The following FCRL2 variants were observed in gnomAD, a reference collection of about 807,000 sequenced individuals.
The protein encoded by FCRL2 is Fc receptor-like protein 2.
A neutral mutation model predicts 59.8 loss-of-function variants in FCRL2; 48 were observed. The ratio of observed to expected loss-of-function variants is 0.80; its 90% CI spans 0.64 to 1.02. FCRL2 has a LOEUF of 1.02. Among genes scored for constraint, FCRL2 ranks in the 50% least tolerant of loss-of-function variants. The pLI is 0.00. For synonymous variants in FCRL2, 251 were observed against 229.5 expected, an observed-to-expected ratio of 1.09 and a Z score of -0.85; for missense variants, 658 against 597.3, an observed-to-expected ratio of 1.10 and a Z score of -1.06.
intron 2 of FCRL2, among the ~76,000 whole-genome samples, chr1:157,773,181 T>G (rs1442346355): frequency 6.6e-6 from 1 of 152,208 alleles, no homozygotes; most frequent in South Asian, 2.1e-4. Flanking sequence ...AATTGGACTT[T>G]GCAAGCAGTG....
chr1:157,760,077 T>C (rs1243227648), intron 7 of FCRL2, among the ~76,000 whole-genome samples: 1 of 152,020 alleles, frequency 6.6e-6, no homozygotes, highest in Non-Finnish European at 1.5e-5. Flanking sequence ...ATAAAGAAAA[T>C]GTGTTACATA....
At position 157,775,813 on chromosome 1, in the gene FCRL2, G is replaced by C; in HGVS notation, c.32-18C>G. The C allele has an allele frequency of 6.2e-7, 1 of 1,613,716 alleles. No individual in the cohort carries two copies. The highest frequency in any genetic ancestry group is 8.5e-7 in the Non-Finnish European group (1 of 1,179,848). On this transcript the variant is annotated intron_variant, in intron 1 of 11. Transcript: ENST00000361516. Reference sequence around the variant, plus strand: ...GACTGCATCTGTGAGGAGATCAAAAGCCAGAGATTAGCACACAGCATTTGC... The same window carrying C: ...GACTGCATCTGTGAGGAGATCAAAACCCAGAGATTAGCACACAGCATTTGC...
At position 157,752,318 on chromosome 1, in the gene FCRL2, A is replaced by G. The variant is rs142659460; in HGVS notation, c.1280-2641T>C. ...CTCACAAGATCTGATGGTTTTAAAA[A>G]GAGGAGTTTCCCTGCACAAGCTTAT... On this transcript the variant is annotated intron_variant, in intron 7 of 11. Coordinates refer to ENST00000361516, the MANE Select transcript of FCRL2 (RefSeq NM_030764.4). Among the ~76,000 whole-genome samples the G allele has an allele frequency of 7.2e-3, 1,094 of 152,334 alleles. 18 individuals are homozygous for G. Among genetic ancestry groups the G allele is most frequent in the African/African-American group, 0.025 (1,046 of 41,580 alleles).
intron 7 of FCRL2, among the ~76,000 whole-genome samples, chr1:157,760,733 A>AAGAAAG (rs1649008134): frequency 6.7e-6 from 1 of 149,634 alleles, no homozygotes; most frequent in Non-Finnish European, 1.5e-5. Flanking sequence ...GAAAGAAAGA[A>AAGAAAG]AGAAAGAAAG....
rs1649861612 is a variant in FCRL2 at position 157,769,948 on chromosome 1, G to A, written c.513C>T (p.Asp171=). 1 of 1,614,184 alleles carries A rather than the reference G, an allele frequency of 6.2e-7. No homozygotes were observed. ...CTGCCTTGCACCAGTAAGACCCTGT[G>A]TCTTCACTCCACACGGCAGAAATCT... ...ELQISAVWSE[D]TGSYWCKAET... The change falls in exon 4 of 12, where the codon GAC becomes GAT. Residue 171 remains aspartate (D), a synonymous_variant. Transcript: ENST00000361516.
At chr1:157,759,565 C>G (rs576212161) in intron 7 of FCRL2, among the ~76,000 whole-genome samples, 47 of 152,186 alleles carry the variant, frequency 3.1e-4, no homozygotes, top group African/African-American at 1.1e-3. Context: ...GCTTTAATAC[C>G]TAGAATCTAC....
At chr1:157,757,141 CT>C (rs1648650244) in intron 7 of FCRL2, among the ~76,000 whole-genome samples, 1 of 152,162 alleles carries the variant, frequency 6.6e-6, no homozygotes, top group East Asian at 1.9e-4. Flanking sequence ...ATATGACTTA[CT>C]TTTTGATCAA....
At chr1:157,769,745 C>A in intron 4 of FCRL2, 121 bp downstream of exon 4, 1 of 1,310,298 alleles carries the variant, frequency 7.6e-7, no homozygotes, top group Non-Finnish European at 1.0e-6. Context: ...GAGGGTTTTT[C>A]TAGCTTAATT....
chr1:157,755,836 T>C (rs1347998116), intron 7 of FCRL2, among the ~76,000 whole-genome samples: 2 of 152,168 alleles, frequency 1.3e-5, no homozygotes, highest in Non-Finnish European at 2.9e-5. Context: ...GTCTAAAATA[T>C]CTCTGGAAAA....
rs746908411 is a variant in FCRL2, at chr1:157,748,900, C to T, written c.1368G>A (p.Glu456=). ...CATTGACATACACTGGCTGCAGCTCCTCCATGTCTGGGGTTGGGCTTGAAT... is the reference window on the plus strand; with the variant it reads ...CATTGACATACACTGGCTGCAGCTCTTCCATGTCTGGGGTTGGGCTTGAAT... ...FTYSSPTPDM[E]ELQPVYVNVG... is the part of the protein sequence containing the mutation. Residue 456 remains glutamate (E), a synonymous_variant, in exon 9 of 12, where the codon GAG becomes GAA. Coordinates refer to ENST00000361516, the MANE Select transcript of FCRL2 (RefSeq NM_030764.4). 1.2e-6 allele frequency: 2 copies of T among 1,613,936 alleles called. No individual in the cohort carries two copies. The highest frequency in any genetic ancestry group is 2.2e-5 in the South Asian group (2 of 91,066).
intron 7 of FCRL2, among the ~76,000 whole-genome samples, chr1:157,760,674 GGAAGGAAAGAAAGAAAGAAA>G (rs1557860241): frequency 1.2e-5 from 1 of 86,562 alleles, no homozygotes; most frequent in East Asian, 2.9e-4. Context: ...AAGGAAGGAA[GGAAGGAAAGAAAGAAAGAAA>G]GAAGGAAAGA....
At chr1:157,754,943 G>A (rs1284847518) in intron 7 of FCRL2, among the ~76,000 whole-genome samples, 2 of 151,532 alleles carry the variant, frequency 1.3e-5, no homozygotes, top group African/African-American at 4.9e-5. Flanking sequence ...TCCAGCCTAG[G>A]TGACAGAGAG....
chr1:157,770,558 T>A lies in FCRL2; in HGVS notation c.161A>T (p.Asp54Val). ...WKIQKMAYHK[D>V]NKELSVFKKF... is the part of the protein sequence containing the mutation. ...TTTGAAAACAGATAACTCTTTGTTA[T>A]CCTTATGGTAAGCCATCTTCTGAAT... Residue 54 changes from aspartate (D) to valine (V), a missense_variant, in exon 3 of 12, where the codon GAT becomes GTT. Asp to Val is a radical substitution (Grantham distance 152, BLOSUM62 -3). Coordinates refer to ENST00000361516, the MANE Select transcript of FCRL2 (RefSeq NM_030764.4). 6.2e-7 allele frequency: 1 copy of A among 1,614,242 alleles called. No homozygotes were observed. Among genetic ancestry groups the A allele is most frequent in the Non-Finnish European group, 8.5e-7 (1 of 1,180,032 alleles).
chr1:157,759,557 T>C (rs1648867413), intron 7 of FCRL2, among the ~76,000 whole-genome samples: 1 of 152,130 alleles, frequency 6.6e-6, no homozygotes, highest in Admixed American at 6.6e-5. Flanking sequence ...CCAACAAAGC[T>C]TTAATACCTA....
chr1:157,769,128 C>T (rs1165137259), intron 4 of FCRL2: 2 of 158,106 alleles, frequency 1.3e-5, no homozygotes, highest in African/African-American at 4.8e-5. Flanking sequence ...AACTTCTCCT[C>T]TGACCACTCT....
intron 7 of FCRL2, among the ~76,000 whole-genome samples, chr1:157,753,153 CGT>C (rs927610855): frequency 6.6e-6 from 1 of 152,088 alleles, no homozygotes; most frequent in African/African-American, 2.4e-5. Context: ...CTTCTGTTGC[CGT>C]GTGTGTGGGG....
At chr1:157,770,388 C>A (rs1394955039) in intron 3 of FCRL2, 21 bp downstream of exon 3, 1 of 1,560,972 alleles carries the variant, frequency 6.4e-7, no homozygotes, top group Admixed American at 1.8e-5. Context: ...CCAGCCCATC[C>A]CACAGAAGTC....
In FCRL2 at chr1:157,746,528, G is replaced by GA. The variant is rs1264143510; in HGVS notation, c.*207dup. On this transcript the variant is annotated 3_prime_UTR_variant, in exon 12 of 12. Transcript: ENST00000361516. ...AAATAATTTATTTGCACAGTGTCTGGATGTAGCAGCAGTTCAATGAATATT... is the reference window on the plus strand; with the variant it reads ...AAATAATTTATTTGCACAGTGTCTGGAATGTAGCAGCAGTTCAATGAATATT... 1 of 595,838 alleles carries GA rather than the reference G, an allele frequency of 1.7e-6. No homozygotes were observed. Among genetic ancestry groups the GA allele is most frequent in the Non-Finnish European group, 3.0e-6 (1 of 333,686 alleles). The allele number at this position is 595,838 out of a possible 1,614,324, so 36.9% of individuals were successfully genotyped here.
chr1:157,759,002 C>T (rs1483555062), intron 7 of FCRL2, among the ~76,000 whole-genome samples: 1 of 152,162 alleles, frequency 6.6e-6, no homozygotes, highest in Non-Finnish European at 1.5e-5. Context: ...TGTCCTCACC[C>T]AAATCTCATC....
Sources: gnomAD v4.1 joint callset for allele counts (sites outside exome capture counted in the v4.1 genomes callset) on GRCh38, gnomAD v4.1.1 for gene constraint, MANE v1.5 for transcripts, NCBI Gene and HGNC (gene_info 2026-07-23, HGNC 2026-07-21) for gene names.